PTPRD: variants seen among roughly 807,000 people sequenced by gnomAD.
PTPRD encodes protein tyrosine phosphatase receptor type D.
In PTPRD, 34 loss-of-function variants were observed where a neutral mutation model predicts 214.5. That is an observed-to-expected ratio of 0.16 (90% CI 0.12 to 0.21). The LOEUF (loss-of-function observed/expected upper bound fraction) is 0.21, where lower values mean the gene tolerates loss of function less well. PTPRD is among the 10% of genes least tolerant of loss of function. The pLI, the probability that PTPRD is intolerant of heterozygous loss-of-function variation, is 1.00. For missense variants in PTPRD, 2,545 were observed against 2,398.7 expected, an observed-to-expected ratio of 1.06 and a Z score of -1.27; for synonymous variants, 1,128 against 845.7, an observed-to-expected ratio of 1.33 and a Z score of -5.79.
rs191801773 is a variant in PTPRD at position 8,792,448 on chromosome 9, T to C, written c.-103-58502A>G. Among the ~76,000 whole-genome samples the C allele has an allele frequency of 1.3e-3, 192 of 152,314 alleles. 2 individuals carry two copies. The highest frequency in any genetic ancestry group is 4.3e-3 in the African/African-American group (178 of 41,578). ...CTAACGGCTACCTTAGCTGTCCTTT[T>C]CTAATGGGCGGCAGAAGCATTTATA... On this transcript the variant is annotated intron_variant, in intron 11 of 45. Coordinates refer to ENST00000381196, the MANE Select transcript of PTPRD (RefSeq NM_002839.4).
chr9:8,676,355 C>A (rs2097417177), intron 12 of PTPRD, among the ~76,000 whole-genome samples: 1 of 151,210 alleles, frequency 6.6e-6, no homozygotes, highest in Non-Finnish European at 1.5e-5. Context: ...CCAAAATTCA[C>A]AGCCAAACAT....
At chr9:10,545,090 A>G (rs1369821109) in intron 2 of PTPRD, among the ~76,000 whole-genome samples, 1 of 152,184 alleles carries the variant, frequency 6.6e-6, no homozygotes, top group Non-Finnish European at 1.5e-5. Flanking sequence ...TTCCACTTTA[A>G]ATATGGAAAG....
At chr9:9,269,229 G>A (rs1193070087) in intron 9 of PTPRD, among the ~76,000 whole-genome samples, 1 of 151,224 alleles carries the variant, frequency 6.6e-6, no homozygotes, top group Non-Finnish European at 1.5e-5. Flanking sequence ...TTCAGGTTAT[G>A]AAATGGTTAA....
intron 7 of PTPRD, among the ~76,000 whole-genome samples, chr9:9,587,328 C>T (rs1044035105): frequency 6.6e-6 from 1 of 151,878 alleles, no homozygotes; most frequent in African/African-American, 2.4e-5. Context: ...CTATGAAATC[C>T]TCCTAACAAC....
intron 12 of PTPRD, among the ~76,000 whole-genome samples, chr9:8,684,883 T>C (rs371541744): frequency 6.6e-6 from 1 of 152,198 alleles, no homozygotes; most frequent in Non-Finnish European, 1.5e-5. Context: ...ATGATTAATA[T>C]GCATGTGCTC....
chr9:10,446,702 G>A (rs1159166631), intron 2 of PTPRD, among the ~76,000 whole-genome samples: 2 of 152,090 alleles, frequency 1.3e-5, no homozygotes, highest in Non-Finnish European at 2.9e-5. Context: ...TTATCTGCAA[G>A]AAAACCTGCT....
chr9:8,836,808 G>C (rs1043008261), intron 11 of PTPRD, among the ~76,000 whole-genome samples: 2 of 151,460 alleles, frequency 1.3e-5, no homozygotes, highest in Non-Finnish European at 2.9e-5. Context: ...ATGTTGGCCA[G>C]GATGGTCTTG....
At chr9:10,218,272 C>A (rs1367610844) in intron 3 of PTPRD, among the ~76,000 whole-genome samples, 1 of 151,834 alleles carries the variant, frequency 6.6e-6, no homozygotes, top group Admixed American at 6.6e-5. Flanking sequence ...ATGAAAAATC[C>A]AAACAGTAAA....
At chr9:8,578,371 T>A (rs778955675) in intron 14 of PTPRD, among the ~76,000 whole-genome samples, 1 of 151,656 alleles carries the variant, frequency 6.6e-6, no homozygotes. Flanking sequence ...AACCCCTATA[T>A]ATAGTCTATT....
intron 7 of PTPRD, among the ~76,000 whole-genome samples, chr9:9,606,906 G>A (rs377710030): frequency 7.9e-5 from 10 of 126,452 alleles, no homozygotes; most frequent in Non-Finnish European, 1.4e-4. Flanking sequence ...TAACAATTAA[G>A]GCAGACAGGG....
intron 30 of PTPRD, among the ~76,000 whole-genome samples, chr9:8,476,517 C>T (rs1330728784): frequency 6.6e-6 from 1 of 152,166 alleles, no homozygotes; most frequent in Non-Finnish European, 1.5e-5. Flanking sequence ...CTTTCTGTCA[C>T]TCCCACCTAG....
At chr9:9,777,585 C>G (rs2098808547) in intron 5 of PTPRD, among the ~76,000 whole-genome samples, 2 of 152,074 alleles carry the variant, frequency 1.3e-5, no homozygotes, top group South Asian at 4.1e-4. Flanking sequence ...GTTGTCCCAG[C>G]TACTCAAGAG....
At chr9:9,490,489 G>C (rs544775641) in intron 8 of PTPRD, among the ~76,000 whole-genome samples, 1 of 151,998 alleles carries the variant, frequency 6.6e-6, no homozygotes, top group South Asian at 2.1e-4. Flanking sequence ...TCCACATTTT[G>C]TTTACTATAT....
chr9:9,868,849 T>C lies in PTPRD; in HGVS notation c.-368+69658A>G, dbSNP rs979277186. Among the ~76,000 whole-genome samples, 17 of 152,106 alleles carry C rather than the reference T, an allele frequency of 1.1e-4. 1 individual carries two copies. Among genetic ancestry groups the C allele is most frequent in the African/African-American group, 3.1e-4 (13 of 41,420 alleles). On this transcript the variant is annotated intron_variant, in intron 5 of 45. Transcript: ENST00000381196. Reference sequence around the variant, plus strand: ...TACAACACCAGATTCTAAAAGTTGATAGAGAAACTTCTACAAACTCCTAAG... The same window carrying C: ...TACAACACCAGATTCTAAAAGTTGACAGAGAAACTTCTACAAACTCCTAAG...
chr9:10,114,995 C>T (rs1406109896), intron 3 of PTPRD, among the ~76,000 whole-genome samples: 2 of 149,838 alleles, frequency 1.3e-5, no homozygotes, highest in Non-Finnish European at 3.0e-5. Context: ...GGGAGGGGTT[C>T]ATCAGCTTCT....
At chr9:10,340,198 C>G (rs145231316) in intron 3 of PTPRD, among the ~76,000 whole-genome samples, 1 of 151,814 alleles carries the variant, frequency 6.6e-6, no homozygotes, top group Non-Finnish European at 1.5e-5. Flanking sequence ...ACCTGTGATA[C>G]GGTTATGTAC....
intron 36 of PTPRD, among the ~76,000 whole-genome samples, chr9:8,390,459 C>T (rs2135725270): frequency 6.6e-6 from 1 of 152,272 alleles, no homozygotes; most frequent in African/African-American, 2.4e-5. Context: ...AGAAGGCCTG[C>T]CCTGGAGTAC....
intron 9 of PTPRD, among the ~76,000 whole-genome samples, chr9:9,324,886 A>T (rs545718924): frequency 2.0e-5 from 3 of 152,156 alleles, no homozygotes; most frequent in African/African-American, 7.2e-5. Context: ...TAAGGAAGGG[A>T]TCCAGTTTCA....
intron 12 of PTPRD, among the ~76,000 whole-genome samples, chr9:8,662,131 A>G (rs181714384): frequency 2.0e-5 from 3 of 152,312 alleles, no homozygotes; most frequent in East Asian, 1.9e-4. Flanking sequence ...CAGAAGAACA[A>G]TAACTTATGA....
Sources: gnomAD v4.1 joint callset for allele counts (sites outside exome capture counted in the v4.1 genomes callset) on GRCh38, gnomAD v4.1.1 for gene constraint, MANE v1.5 for transcripts, NCBI Gene and HGNC (gene_info 2026-07-23, HGNC 2026-07-21) for gene names.